The following TLK1 variants were observed in gnomAD, a reference collection of about 807,000 sequenced individuals.
TLK1 encodes the protein serine/threonine-protein kinase tousled-like 1.
TLK1 carries 24 observed loss-of-function variants against 105.3 expected under a neutral mutation model. That is an observed-to-expected ratio of 0.23 (90% CI 0.17 to 0.32). TLK1 has a LOEUF of 0.32. Among genes scored for constraint, TLK1 ranks in the 10% least tolerant of loss-of-function variants. The pLI is 1.00. For missense variants in TLK1, 558 were observed against 910.5 expected (o/e 0.61, Z 4.98); for synonymous variants, 321 against 310.4 (o/e 1.03, Z -0.36).
intron 1 of TLK1, among the ~76,000 whole-genome samples, chr2:171,195,029 C>T (rs753761051): frequency 6.6e-6 from 1 of 152,018 alleles, no homozygotes; most frequent in Admixed American, 6.6e-5. Flanking sequence ...CTGTGGCTGG[C>T]AAGTTGAAGT....
chr2:171,010,587 A>G (rs931167765), intron 14 of TLK1, among the ~76,000 whole-genome samples: 4 of 151,520 alleles, frequency 2.6e-5, no homozygotes, highest in East Asian at 1.9e-4. Flanking sequence ...TAGGAATCCA[A>G]TATTTAAAGG....
intron 1 of TLK1, among the ~76,000 whole-genome samples, chr2:171,189,084 G>GA (rs1693093056): frequency 1.3e-5 from 2 of 151,626 alleles, no homozygotes; most frequent in African/African-American, 4.8e-5. Flanking sequence ...TATCACATCT[G>GA]AAGTGAAATA....
At position 171,142,650 on chromosome 2, in the gene TLK1, G is replaced by C. The variant is rs143538273; in HGVS notation, c.139+17640C>G. 2.6e-5 allele frequency among the ~76,000 whole-genome samples: 4 copies of C among 152,112 alleles called. No homozygotes were observed. In the East Asian group the frequency reaches 5.8e-4, roughly 22 times the overall value. ...CAAAAACTGACAAATTAAACAGAGA[G>C]ACAAATGTTATAATCATTTGGGGAT... On this transcript the variant is annotated intron_variant, in intron 1 of 20. Coordinates refer to ENST00000431350, the MANE Select transcript of TLK1 (RefSeq NM_012290.5).
chr2:171,094,747 T>C (rs1012058783), intron 2 of TLK1, among the ~76,000 whole-genome samples: 5 of 152,154 alleles, frequency 3.3e-5, no homozygotes, highest in African/African-American at 1.2e-4. Context: ...TAGCTGCGAT[T>C]ACAGGCATGC....
At chr2:171,139,003 G>C (rs1691459227) in intron 1 of TLK1, among the ~76,000 whole-genome samples, 1 of 152,120 alleles carries the variant, frequency 6.6e-6, no homozygotes, top group African/African-American at 2.4e-5. Context: ...AACTCTAAAA[G>C]TCTGTTTCGA....
intron 14 of TLK1, among the ~76,000 whole-genome samples, chr2:171,010,625 C>CAAAA (rs77995237): frequency 3.2e-5 from 3 of 94,472 alleles, no homozygotes; most frequent in Admixed American, 1.1e-4. Flanking sequence ...ACATAAAGTA[C>CAAAA]AAAAAAAAAA....
At chr2:171,225,921 C>T (rs1693888968) in intron 1 of TLK1, among the ~76,000 whole-genome samples, 1 of 152,116 alleles carries the variant, frequency 6.6e-6, no homozygotes, top group Non-Finnish European at 1.5e-5. Context: ...TTGTCATGGG[C>T]TGTAGTTGCT....
intron 2 of TLK1, among the ~76,000 whole-genome samples, chr2:171,098,015 G>T (rs967150662): frequency 6.6e-6 from 1 of 152,016 alleles, no homozygotes; most frequent in African/African-American, 2.4e-5. Context: ...AAAAATAAAA[G>T]AAGCCAGTTA....
intron 2 of TLK1, among the ~76,000 whole-genome samples, chr2:171,086,771 A>T (rs1688999254): frequency 6.6e-6 from 1 of 152,182 alleles, no homozygotes; most frequent in African/African-American, 2.4e-5. Flanking sequence ...TGAAACCCAG[A>T]TCAAAATCTT....
chr2:171,219,340 T>C (rs750661339), intron 1 of TLK1, among the ~76,000 whole-genome samples: 6 of 152,212 alleles, frequency 3.9e-5, no homozygotes, highest in Non-Finnish European at 7.3e-5. Context: ...TGTGGTCACA[T>C]TGCCTTCTCT....
intron 1 of TLK1, among the ~76,000 whole-genome samples, chr2:171,174,249 T>G (rs1230890188): frequency 2.0e-5 from 3 of 152,184 alleles, no homozygotes; most frequent in Non-Finnish European, 2.9e-5. Context: ...TTATACACTC[T>G]GTTTCACTTC....
At chr2:171,033,631 G>A (rs1269536029) in intron 11 of TLK1, among the ~76,000 whole-genome samples, 1 of 150,488 alleles carries the variant, frequency 6.6e-6, no homozygotes, top group Admixed American at 6.9e-5. Flanking sequence ...TTACCCTGAT[G>A]TGATTATTAC....
intron 18 of TLK1, among the ~76,000 whole-genome samples, chr2:170,999,989 G>C (rs1450737332): frequency 2.0e-5 from 3 of 152,024 alleles, no homozygotes; most frequent in Non-Finnish European, 4.4e-5. Context: ...TTCAATTCCT[G>C]GGCTCAAGTG....
At chr2:171,032,945 T>C (rs938478749) in intron 11 of TLK1, among the ~76,000 whole-genome samples, 13 of 152,256 alleles carry the variant, frequency 8.5e-5, no homozygotes, top group African/African-American at 2.9e-4. Context: ...TGGTGGCTCA[T>C]GCCTGTAATG....
intron 1 of TLK1, among the ~76,000 whole-genome samples, chr2:171,212,660 T>TAA (rs59330175): frequency 3.2e-4 from 48 of 151,728 alleles, no homozygotes; most frequent in African/African-American, 1.0e-3. Context: ...TTCTTAACTG[T>TAA]AAAAAAAATT....
chr2:171,072,858 G>GCAATTCTCA (rs1213830492), intron 3 of TLK1, among the ~76,000 whole-genome samples: 1 of 151,690 alleles, frequency 6.6e-6, no homozygotes, highest in Non-Finnish European at 1.5e-5. Flanking sequence ...GAACCGGGGA[G>GCAATTCTCA]GTGGTGGTTG....
At chr2:171,067,926 C>A (rs1688082306) in intron 3 of TLK1, among the ~76,000 whole-genome samples, 1 of 152,180 alleles carries the variant, frequency 6.6e-6, no homozygotes, top group Non-Finnish European at 1.5e-5. Context: ...CCAGCTTCAT[C>A]CATGTCCCTG....
At chr2:171,084,189 A>C (rs1688868809) in intron 2 of TLK1, among the ~76,000 whole-genome samples, 1 of 152,194 alleles carries the variant, frequency 6.6e-6, no homozygotes, top group African/African-American at 2.4e-5. Flanking sequence ...CCGAGAACAA[A>C]AGACACCTAA....
intron 1 of TLK1, among the ~76,000 whole-genome samples, chr2:171,200,375 T>C (rs888207477): frequency 6.6e-6 from 1 of 152,158 alleles, no homozygotes; most frequent in South Asian, 2.1e-4. Flanking sequence ...ACAACAATGG[T>C]TTGGAATTAT....
Sources: allele counts gnomAD v4.1 joint callset (sites outside exome capture counted in the v4.1 genomes callset), GRCh38; gene constraint gnomAD v4.1.1; transcripts MANE v1.5; gene names NCBI Gene and HGNC (gene_info 2026-07-23, HGNC 2026-07-21).